The following PPFIBP1 variants were observed in gnomAD, a reference collection of about 807,000 sequenced individuals.
PPFIBP1 encodes the protein PPFIB scaffold protein 1.
In PPFIBP1, 112 loss-of-function variants were observed where a neutral mutation model predicts 137.8. That is an observed-to-expected ratio of 0.81 (90% CI 0.70 to 0.95). The LOEUF (loss-of-function observed/expected upper bound fraction) is 0.95, where lower values mean the gene tolerates loss of function less well. Among genes scored for constraint, PPFIBP1 ranks in the 40% least tolerant of loss-of-function variants. PPFIBP1 has a pLI of 0.00. For missense variants in PPFIBP1, 1,083 were observed against 1,196.6 expected, an observed-to-expected ratio of 0.91 and a Z score of 1.40; for synonymous variants, 378 against 417.3, an observed-to-expected ratio of 0.91 and a Z score of 1.15.
intron 2 of PPFIBP1, among the ~76,000 whole-genome samples, chr12:27,630,982 G>T (rs1477963296): frequency 1.3e-5 from 2 of 152,076 alleles, no homozygotes; most frequent in Non-Finnish European, 2.9e-5. Context: ...AGTCTGCAGG[G>T]TTGTAGGAGC....
At chr12:27,609,311 CAG>C (rs2054846165) in intron 2 of PPFIBP1, among the ~76,000 whole-genome samples, 2 of 152,200 alleles carry the variant, frequency 1.3e-5, no homozygotes, top group South Asian at 4.1e-4. Context: ...GCTCCTCCTC[CAG>C]TGTTCTTTAG....
intron 2 of PPFIBP1, among the ~76,000 whole-genome samples, chr12:27,593,192 T>C (rs2052748443): frequency 6.6e-6 from 1 of 151,358 alleles, no homozygotes; most frequent in African/African-American, 2.4e-5. Flanking sequence ...ATACAGTTTT[T>C]AGTCCTTCTC....
intron 22 of PPFIBP1, 58 bp downstream of exon 22, chr12:27,681,754 G>A (rs1231618120): frequency 1.9e-6 from 3 of 1,586,704 alleles, no homozygotes; most frequent in African/African-American, 2.7e-5. Flanking sequence ...CAGTATGAAT[G>A]TAGGGTTGTT....
At position 27,664,436 on chromosome 12, in the gene PPFIBP1, A is replaced by G. The variant is rs2059734231; in HGVS notation, c.981A>G (p.Gln327=). The change falls in exon 12 of 30, where the codon CAA becomes CAG. Residue 327 remains glutamine, a synonymous_variant. Transcript: ENST00000228425. ...KKMQDTVVLA[Q]GKKGKDGEYE... is the part of the protein sequence containing the mutation. ...TGCAAGACACGGTGGTACTGGCCCA[A>G]GGTAAAAAAGGTAGAGTGTAGCTCT... 3 of 1,609,320 alleles carry G rather than the reference A, an allele frequency of 1.9e-6. No homozygotes were observed. Among genetic ancestry groups the G allele is most frequent in the Admixed American group, 1.7e-5 (1 of 59,756 alleles).
At chr12:27,677,126 C>A in intron 19 of PPFIBP1, 30 bp downstream of exon 19, 1 of 1,613,196 alleles carries the variant, frequency 6.2e-7, no homozygotes, top group Non-Finnish European at 8.5e-7. Flanking sequence ...CAGCCTTCAC[C>A]AGCACTGTGC....
At chr12:27,614,763 A>G (rs746443565) in intron 2 of PPFIBP1, among the ~76,000 whole-genome samples, 4 of 152,244 alleles carry the variant, frequency 2.6e-5, no homozygotes, top group Non-Finnish European at 5.9e-5. Context: ...ATAAGCTATG[A>G]CAGGTTTTAC....
intron 17 of PPFIBP1, among the ~76,000 whole-genome samples, chr12:27,674,811 A>T (rs377550498): frequency 1.4e-4 from 15 of 108,704 alleles, no homozygotes; most frequent in South Asian, 3.1e-4. Flanking sequence ...CTTTCCCCTG[A>T]TTTTTTTTTT....
Position 27,560,434 on chromosome 12 carries a change from T to C in PPFIBP1, c.-123-17718T>C, listed in dbSNP as rs140440318. On this transcript the variant is annotated intron_variant, in intron 1 of 29. Coordinates refer to ENST00000228425, the MANE Select transcript of PPFIBP1 (RefSeq NM_003622.4). Reference sequence around the variant, plus strand: ...AATTAGATGGGACTAGTATTGTCTTTGAGAGAGACTTGTTGAGGACAGACT... The same window carrying C: ...AATTAGATGGGACTAGTATTGTCTTCGAGAGAGACTTGTTGAGGACAGACT... Among the ~76,000 whole-genome samples, 748 of 152,346 alleles carry C rather than the reference T, an allele frequency of 4.9e-3. 6 individuals are homozygous for C. The Middle Eastern group carries it at 0.061, about 12-fold the overall frequency.
intron 12 of PPFIBP1, among the ~76,000 whole-genome samples, chr12:27,666,099 T>C (rs1436217890): frequency 9.4e-6 from 1 of 106,482 alleles, no homozygotes; most frequent in African/African-American, 3.3e-5. Context: ...CGTAAAACAT[T>C]TGGAAAATAA....
In PPFIBP1 at chr12:27,682,680, C is replaced by T. The variant is rs756219960; in HGVS notation, c.2224C>T (p.Arg742Ter). The change falls in exon 24 of 30, where the codon CGA becomes TGA. Residue 742 changes from arginine to a stop codon, truncating the protein, a stop_gained. Transcript: ENST00000228425. LOFTEE classifies it high-confidence loss of function. ...GTTTGATGAAGGACGGGTTGATGGT[C>T]GAATGCTACATTACATGACTGTTGT... is the stretch of plus-strand genomic sequence containing the variant. ...TQFDEGRVDG[R>*]MLHYMTVDDL... 4.3e-6 allele frequency: 7 copies of T among 1,614,080 alleles called. No homozygotes were observed. The highest frequency in any genetic ancestry group is 2.2e-5 in the South Asian group (2 of 91,050).
intron 1 of PPFIBP1, among the ~76,000 whole-genome samples, chr12:27,539,721 A>G (rs1262642663): frequency 6.6e-6 from 1 of 152,160 alleles, no homozygotes; most frequent in African/African-American, 2.4e-5. Flanking sequence ...TGTAATTATA[A>G]AGGTAATATA....
chr12:27,549,219 A>C (rs974258284), intron 1 of PPFIBP1: 1 of 136,340 alleles, frequency 7.3e-6, no homozygotes, highest in Non-Finnish European at 1.7e-5. Flanking sequence ...TATGTGCACC[A>C]TTTCTTCTGC....
At chr12:27,677,947 A>G (rs1377994878) in intron 19 of PPFIBP1, 1 of 152,256 alleles carries the variant, frequency 6.6e-6, no homozygotes, top group Admixed American at 6.5e-5. Flanking sequence ...ATAAATGTCT[A>G]GAATGAACAC....
intron 2 of PPFIBP1, chr12:27,599,357 C>T (rs2053697198): frequency 7.0e-6 from 3 of 428,634 alleles, no homozygotes; most frequent in South Asian, 5.1e-5. Context: ...CAGACTGGCA[C>T]TTACACTATC....
chr12:27,565,202 C>T (rs537655403), intron 1 of PPFIBP1, among the ~76,000 whole-genome samples: 5 of 152,220 alleles, frequency 3.3e-5, no homozygotes, highest in African/African-American at 9.6e-5. Flanking sequence ...CAGGGGCCAT[C>T]GAAATTATTG....
intron 27 of PPFIBP1, among the ~76,000 whole-genome samples, chr12:27,690,204 G>A (rs2061447537): frequency 6.6e-6 from 1 of 151,802 alleles, no homozygotes; most frequent in Non-Finnish European, 1.5e-5. Context: ...AATGTGGAGG[G>A]ATGCAAACCC....
chr12:27,576,037 T>C (rs182885746), intron 1 of PPFIBP1, among the ~76,000 whole-genome samples: 8 of 152,310 alleles, frequency 5.3e-5, no homozygotes, highest in Admixed American at 6.5e-5. Flanking sequence ...CAGAGCTCTG[T>C]GCTGAGGGAG....
chr12:27,676,713 A>T, intron 18 of PPFIBP1, 114 bp downstream of exon 18: 2 of 1,153,952 alleles, frequency 1.7e-6, no homozygotes, highest in Non-Finnish European at 2.5e-6. Context: ...TCAGAAACGA[A>T]GGTGAATGAC....
chr12:27,605,523 G>A (rs1337478912), intron 2 of PPFIBP1, among the ~76,000 whole-genome samples: 1 of 151,952 alleles, frequency 6.6e-6, no homozygotes, highest in Non-Finnish European at 1.5e-5. Flanking sequence ...AAAAGAAAGA[G>A]ACATAGGAAT....
Sources: gnomAD v4.1 joint callset for allele counts (sites outside exome capture counted in the v4.1 genomes callset) on GRCh38, gnomAD v4.1.1 for gene constraint, MANE v1.5 for transcripts, NCBI Gene and HGNC (gene_info 2026-07-23, HGNC 2026-07-21) for gene names.